DIAPH3: variants seen among roughly 807,000 people sequenced by gnomAD.
The protein encoded by DIAPH3 is protein diaphanous homolog 3.
A neutral mutation model predicts 144.3 loss-of-function variants in DIAPH3; 117 were observed. That is an observed-to-expected ratio of 0.81 (90% CI 0.70 to 0.95). The LOEUF (loss-of-function observed/expected upper bound fraction) is 0.95, where lower values mean the gene tolerates loss of function less well. Among genes scored for constraint, DIAPH3 ranks in the 40% least tolerant of loss-of-function variants. The probability of loss-of-function intolerance (pLI) is 0.00; values close to 1 mark genes in which losing one functional copy is unlikely to be tolerated. For missense variants in DIAPH3, 1,421 were observed against 1,412.7 expected, an observed-to-expected ratio of 1.01 and a Z score of -0.09; for synonymous variants, 519 against 488.9, an observed-to-expected ratio of 1.06 and a Z score of -0.81.
intron 9 of DIAPH3, among the ~76,000 whole-genome samples, chr13:60,003,118 G>T (rs1462904520): frequency 6.6e-6 from 1 of 152,104 alleles, no homozygotes; most frequent in Admixed American, 6.5e-5. Flanking sequence ...GTGGCAGAAG[G>T]CTGTCTGTCC....
chr13:59,877,747 C>A (rs999192617), intron 21 of DIAPH3, among the ~76,000 whole-genome samples: 7 of 151,712 alleles, frequency 4.6e-5, no homozygotes, highest in Admixed American at 1.3e-4. Context: ...CAATCTAGAC[C>A]AATTTATCAC....
At chr13:59,771,465 CAG>C (rs1171544158) in intron 27 of DIAPH3, among the ~76,000 whole-genome samples, 11 of 151,932 alleles carry the variant, frequency 7.2e-5, no homozygotes, top group Non-Finnish European at 1.5e-4. Context: ...ACTAGGAAAA[CAG>C]TGCTATCTAG....
Position 60,042,591 on chromosome 13 carries a change from GA to G in DIAPH3, c.626+98del. 2.8e-6 allele frequency: 4 copies of G among 1,429,292 alleles called. No individual in the cohort carries two copies. In the South Asian group the frequency reaches 4.8e-5, roughly 17 times the overall value. The allele number at this position is 1,429,292 out of a possible 1,614,324, so 88.5% of individuals were successfully genotyped here. A position where few individuals can be genotyped will look rare whatever the true frequency, so the allele number is the denominator to read the frequency against. ...ATTAGGTATTCAGTTTGTACTTTGA[GA>G]AACTGTTGAGGTTTACCAGGCAAAA... On this transcript the variant is annotated intron_variant, in intron 5 of 27. Transcript: ENST00000400324.
At chr13:60,086,215 A>C (rs2057741489) in intron 4 of DIAPH3, among the ~76,000 whole-genome samples, 1 of 152,142 alleles carries the variant, frequency 6.6e-6, no homozygotes, top group African/African-American at 2.4e-5. Flanking sequence ...TCTCCTACCT[A>C]AACAAAAACA....
chr13:59,900,365 A>G (rs1043361820), intron 20 of DIAPH3, among the ~76,000 whole-genome samples: 1 of 152,148 alleles, frequency 6.6e-6, no homozygotes, highest in African/African-American at 2.4e-5. Flanking sequence ...GCACAGACAC[A>G]CGTTGTCATG....
intron 27 of DIAPH3, among the ~76,000 whole-genome samples, chr13:59,690,338 T>C (rs1006639713): frequency 1.3e-5 from 2 of 152,152 alleles, no homozygotes; most frequent in South Asian, 2.1e-4. Context: ...AATTCAGGCA[T>C]AGTAAAGTTA....
intron 14 of DIAPH3, among the ~76,000 whole-genome samples, chr13:59,980,573 A>T (rs1407810923): frequency 6.6e-6 from 1 of 151,636 alleles, no homozygotes; most frequent in Non-Finnish European, 1.5e-5. Context: ...GATGATAAAT[A>T]CATTCAAAGA....
intron 21 of DIAPH3, among the ~76,000 whole-genome samples, chr13:59,865,169 TAA>T (rs967787230): frequency 6.6e-6 from 1 of 152,018 alleles, no homozygotes; most frequent in African/African-American, 2.4e-5. Context: ...AACCATCTTT[TAA>T]AAAGTCTTCC....
intron 1 of DIAPH3, among the ~76,000 whole-genome samples, chr13:60,140,819 T>TA (rs1363474215): frequency 1.1e-5 from 1 of 89,364 alleles, no homozygotes; most frequent in Non-Finnish European, 2.3e-5. Context: ...AATGAAAATC[T>TA]AAAAAACATC....
At chr13:59,749,681 T>C (rs1034090752) in intron 27 of DIAPH3, among the ~76,000 whole-genome samples, 3 of 151,846 alleles carry the variant, frequency 2.0e-5, no homozygotes, top group African/African-American at 4.8e-5. Flanking sequence ...ATAAGAAGTA[T>C]ATAATATTTT....
intron 27 of DIAPH3, among the ~76,000 whole-genome samples, chr13:59,723,696 C>T (rs932683526): frequency 2.6e-5 from 4 of 151,730 alleles, no homozygotes; most frequent in East Asian, 3.9e-4. Flanking sequence ...CTGCAATCTC[C>T]GCCTCCTGGG....
intron 22 of DIAPH3, among the ~76,000 whole-genome samples, chr13:59,851,142 A>G (rs541416425): frequency 6.6e-6 from 1 of 152,232 alleles, no homozygotes; most frequent in South Asian, 2.1e-4. Flanking sequence ...ATACTGGCAA[A>G]CCGAATCCAG....
At chr13:59,802,667 A>ATTATTATTATTATTTTTTT (rs1433627853) in intron 25 of DIAPH3, among the ~76,000 whole-genome samples, 4 of 23,764 alleles carry the variant, frequency 1.7e-4, no homozygotes, top group East Asian at 1.4e-3. Context: ...TATTATTATT[A>ATTATTATTATTATTTTTTT]TTTTTTTTTT....
At chr13:59,906,376 GAATTA>G (rs2046739429) in intron 20 of DIAPH3, among the ~76,000 whole-genome samples, 2 of 152,242 alleles carry the variant, frequency 1.3e-5, no homozygotes, top group African/African-American at 4.8e-5. Context: ...CACAGAAATG[GAATTA>G]GAAGTACAAC....
chr13:60,116,602 C>T lies in DIAPH3; in HGVS notation c.214-4416G>A, dbSNP rs1300856297. Among the ~76,000 whole-genome samples the T allele has an allele frequency of 4.7e-5, 7 of 150,116 alleles. No individual in the cohort carries two copies. The East Asian group carries it at 1.2e-3, about 25-fold the overall frequency. ...CATACACACACATCCAAAAAAAAAA[C>T]CCAGTGTAACTTAATTAATATGCCA... On this transcript the variant is annotated intron_variant, in intron 2 of 27. Coordinates refer to ENST00000400324, the MANE Select transcript of DIAPH3 (RefSeq NM_001042517.2).
At chr13:60,047,997 A>G (rs1251889437) in intron 4 of DIAPH3, among the ~76,000 whole-genome samples, 1 of 152,226 alleles carries the variant, frequency 6.6e-6, no homozygotes, top group East Asian at 1.9e-4. Context: ...AAAGGACTTC[A>G]TTATGCATGT....
intron 27 of DIAPH3, among the ~76,000 whole-genome samples, chr13:59,771,135 T>A (rs193269914): frequency 2.0e-5 from 3 of 152,144 alleles, no homozygotes; most frequent in African/African-American, 7.2e-5. Flanking sequence ...TTACCAGAAT[T>A]TTTTTCTATT....
chr13:59,870,749 C>A (rs201048432), intron 21 of DIAPH3, among the ~76,000 whole-genome samples: 1 of 151,250 alleles, frequency 6.6e-6, no homozygotes, highest in African/African-American at 2.4e-5. Context: ...CGGCTCACCA[C>A]AACCTCCGCT....
Position 59,991,240 on chromosome 13 carries a change from T to C in DIAPH3, c.1279A>G (p.Thr427Ala), listed in dbSNP as rs1489399104. The C allele has an allele frequency of 1.2e-6, 2 of 1,611,332 alleles. No homozygotes were observed. Among genetic ancestry groups the C allele is most frequent in the Non-Finnish European group, 1.7e-6 (2 of 1,178,442 alleles). ...AYDVYNMVWS[T>A]VKETRAEGYF... ...CCCTCTGCTCTAGTTTCTTTAACTG[T>C]GCTCCACACCATGTTGTAAACATCA... The change falls in exon 12 of 28, where the codon ACA becomes GCA. Residue 427 changes from threonine to alanine, a missense_variant. Thr to Ala is a moderately conservative substitution (Grantham distance 58, BLOSUM62 0). Coordinates refer to ENST00000400324, the MANE Select transcript of DIAPH3 (RefSeq NM_001042517.2).
Sources: gnomAD v4.1 joint callset for allele counts (sites outside exome capture counted in the v4.1 genomes callset) on GRCh38, gnomAD v4.1.1 for gene constraint, MANE v1.5 for transcripts, NCBI Gene and HGNC (gene_info 2026-07-23, HGNC 2026-07-21) for gene names.